The following NOX4 variants were observed in gnomAD, a reference collection of about 807,000 sequenced individuals.
NOX4 encodes NADPH oxidase 4.
NOX4 carries 69 observed loss-of-function variants against 87.6 expected under a neutral mutation model. The observed-to-expected ratio is 0.79, with a 90% CI of 0.65 to 0.96. The LOEUF (loss-of-function observed/expected upper bound fraction) is 0.96, where lower values mean the gene tolerates loss of function less well. Ranked by LOEUF, NOX4 falls within the 40% of genes least tolerant of loss-of-function variation. NOX4 has a pLI of 0.00. For missense variants in NOX4, 680 were observed against 681.5 expected (o/e 1.00, Z 0.02); for synonymous variants, 275 against 238.2 (o/e 1.15, Z -1.42).
At chr11:89,380,488 A>C (rs902788011) in intron 11 of NOX4, among the ~76,000 whole-genome samples, 1 of 152,106 alleles carries the variant, frequency 6.6e-6, no homozygotes, top group African/African-American at 2.4e-5. Context: ...TGAGAGAGGG[A>C]GCAGTAGCTA....
In NOX4 at chr11:89,337,517, T is replaced by C; in HGVS notation, c.1447-2A>G. ...GTCAGGTCTGTTCTCTTGCCAAAAC[T>C]GAGAGGACAGAAAAAGGAATAGACT... On this transcript the variant is annotated splice_acceptor_variant, in intron 15 of 17. Transcript: ENST00000263317. LOFTEE classifies it high-confidence loss of function. The C allele has an allele frequency of 6.2e-7, 1 of 1,611,434 alleles. No individual in the cohort carries two copies.
intron 13 of NOX4, among the ~76,000 whole-genome samples, chr11:89,354,070 T>C (rs996204302): frequency 4.6e-5 from 7 of 152,168 alleles, no homozygotes; most frequent in Middle Eastern, 3.2e-3. Context: ...GAAAATAATT[T>C]CCCCGGAAAG....
chr11:89,394,171 A>C (rs1033861017), intron 11 of NOX4, among the ~76,000 whole-genome samples: 1 of 152,168 alleles, frequency 6.6e-6, no homozygotes, highest in Middle Eastern at 3.2e-3. Context: ...ATTGATCTAG[A>C]AGCCTCTCTT....
chr11:89,440,152 A>T (rs1944394958), intron 6 of NOX4, among the ~76,000 whole-genome samples: 1 of 151,680 alleles, frequency 6.6e-6, no homozygotes, highest in Admixed American at 6.6e-5. Flanking sequence ...GCTTATTTTT[A>T]CTCTCCATTT....
At chr11:89,380,059 A>T (rs1940157525) in intron 11 of NOX4, among the ~76,000 whole-genome samples, 2 of 152,184 alleles carry the variant, frequency 1.3e-5, no homozygotes, top group Non-Finnish European at 2.9e-5. Context: ...ATGAGCCTGA[A>T]TTACAGAGTT....
intron 12 of NOX4, among the ~76,000 whole-genome samples, chr11:89,365,747 CG>C (rs1316142123): frequency 3.4e-5 from 4 of 118,402 alleles, no homozygotes; most frequent in African/African-American, 1.5e-4. Flanking sequence ...ACCAAGACCA[CG>C]CCCACAAAAA....
the NOX4 span, among the ~76,000 whole-genome samples, chr11:89,521,679 G>T: frequency 6.6e-6 from 1 of 151,926 alleles, no homozygotes; most frequent in South Asian, 2.1e-4. Context: ...AAATTGTCCA[G>T]TGCCACCTAA....
chr11:89,374,084 T>C (rs1416118279), intron 11 of NOX4, among the ~76,000 whole-genome samples: 4 of 152,070 alleles, frequency 2.6e-5, no homozygotes, highest in Non-Finnish European at 4.4e-5. Context: ...TGGTCCCATA[T>C]TTAGGAAACC....
chr11:89,369,423 A>G (rs573984892), intron 12 of NOX4, among the ~76,000 whole-genome samples: 29 of 152,112 alleles, frequency 1.9e-4, no homozygotes, highest in African/African-American at 5.8e-4. Context: ...CACAATCTCT[A>G]TAAGAGCGGA....
At chr11:89,329,449 G>A (rs1163151571) in intron 17 of NOX4, among the ~76,000 whole-genome samples, 3 of 134,760 alleles carry the variant, frequency 2.2e-5, no homozygotes, top group African/African-American at 5.6e-5. Flanking sequence ...TGTAACTGCA[G>A]TCCAACATGA....
chr11:89,517,898 T>C, the NOX4 span, among the ~76,000 whole-genome samples: 2 of 152,068 alleles, frequency 1.3e-5, no homozygotes, highest in South Asian at 4.1e-4. Context: ...ACTGAATAAA[T>C]AAAGTGAAAT....
intron 14 of NOX4, 64 bp from the exon 15 acceptor site, chr11:89,340,235 TA>T: frequency 3.6e-6 from 4 of 1,113,386 alleles, no homozygotes; most frequent in Non-Finnish European, 5.3e-6. Flanking sequence ...AGAATTCGTA[TA>T]TTTTTTAAAG....
the NOX4 span, among the ~76,000 whole-genome samples, chr11:89,504,543 T>C: frequency 6.6e-6 from 1 of 151,948 alleles, no homozygotes; most frequent in Non-Finnish European, 1.5e-5. Context: ...AGAGTTGTTA[T>C]AGTTACAATG....
intron 7 of NOX4, among the ~76,000 whole-genome samples, chr11:89,432,030 G>A (rs547259285): frequency 6.6e-6 from 1 of 152,256 alleles, no homozygotes; most frequent in East Asian, 1.9e-4. Flanking sequence ...CATAAAAAAG[G>A]ATGAGTTCAT....
chr11:89,355,417 A>C (rs1468693441), intron 12 of NOX4, among the ~76,000 whole-genome samples: 1 of 149,420 alleles, frequency 6.7e-6, no homozygotes, highest in Non-Finnish European at 1.5e-5. Flanking sequence ...ATACATTTCT[A>C]CATATAGATA....
chr11:89,356,752 C>T (rs1268975288), intron 12 of NOX4, among the ~76,000 whole-genome samples: 1 of 151,956 alleles, frequency 6.6e-6, no homozygotes, highest in African/African-American at 2.4e-5. Context: ...GAGTATTGTG[C>T]CACCAAGATA....
intron 11 of NOX4, among the ~76,000 whole-genome samples, chr11:89,381,455 G>T (rs1359857786): frequency 1.3e-5 from 2 of 151,874 alleles, no homozygotes; most frequent in Non-Finnish European, 2.9e-5. Context: ...CCCCCACTGA[G>T]CACTTTGTGA....
the NOX4 span, among the ~76,000 whole-genome samples, chr11:89,573,137 A>G: frequency 6.6e-6 from 1 of 152,208 alleles, no homozygotes. Flanking sequence ...AATTATGTAC[A>G]TATTATAAGA....
chr11:89,367,181 G>C (rs1939070562), intron 12 of NOX4, among the ~76,000 whole-genome samples: 1 of 152,044 alleles, frequency 6.6e-6, no homozygotes, highest in Admixed American at 6.6e-5. Flanking sequence ...ATTATACAAA[G>C]CATATATACT....
Sources: allele counts gnomAD v4.1 joint callset (sites outside exome capture counted in the v4.1 genomes callset), GRCh38; gene constraint gnomAD v4.1.1; transcripts MANE v1.5; gene names NCBI Gene and HGNC (gene_info 2026-07-23, HGNC 2026-07-21).